TBX15: variants seen among roughly 807,000 people sequenced by gnomAD.
TBX15 encodes the protein T-box transcription factor TBX15.
TBX15 carries 18 observed loss-of-function variants against 53.9 expected under a neutral mutation model. The ratio of observed to expected loss-of-function variants is 0.33; its 90% CI spans 0.23 to 0.49. The LOEUF (loss-of-function observed/expected upper bound fraction) is 0.49. TBX15 is among the 20% of genes least tolerant of loss of function. The pLI is 0.98. For synonymous variants in TBX15, 295 were observed against 278.0 expected (o/e 1.06, Z -0.61); for missense variants, 692 against 749.5 (o/e 0.92, Z 0.90).
At chr1:118,935,914 G>C (rs534147566) in intron 1 of TBX15, among the ~76,000 whole-genome samples, 3 of 152,252 alleles carry the variant, frequency 2.0e-5, no homozygotes, top group East Asian at 3.9e-4. Flanking sequence ...ACTGAAACAA[G>C]AGAAATTGAA....
intron 7 of TBX15, among the ~76,000 whole-genome samples, chr1:118,895,269 A>C (rs1654383606): frequency 6.6e-6 from 1 of 152,194 alleles, no homozygotes; most frequent in Non-Finnish European, 1.5e-5. Flanking sequence ...CTCTTGGGGA[A>C]TGGAGAGCTT....
Position 118,922,838 on chromosome 1 carries a change from C to T in TBX15, c.861+598G>A, listed in dbSNP as rs146875403. On this transcript the variant is annotated intron_variant, in intron 5 of 7. Coordinates refer to ENST00000369429, the MANE Select transcript of TBX15 (RefSeq NM_001330677.2). ...GGCTCTCCTAGTCTCTGTAACTGAT[C>T]TCAATGAGGCAGTAGAATGTTTGTT... is the stretch of plus-strand genomic sequence containing the variant. 2.6e-5 allele frequency among the ~76,000 whole-genome samples: 4 copies of T among 152,256 alleles called. No individual in the cohort carries two copies. In the East Asian group the frequency reaches 7.7e-4, roughly 29 times the overall value.
At chr1:118,984,349 G>A (rs1657748537) in intron 1 of TBX15, among the ~76,000 whole-genome samples, 1 of 152,254 alleles carries the variant, frequency 6.6e-6, no homozygotes. Context: ...CTCCACAGAA[G>A]GTTTACATTA....
intron 1 of TBX15, among the ~76,000 whole-genome samples, chr1:118,973,999 T>G (rs1415339125): frequency 3.3e-5 from 5 of 152,216 alleles, no homozygotes; most frequent in African/African-American, 1.2e-4. Context: ...ATGTTGGTCA[T>G]GCAACTAGTG....
chr1:118,903,334 G>GA (rs1654698814), intron 6 of TBX15, among the ~76,000 whole-genome samples: 1 of 152,062 alleles, frequency 6.6e-6, no homozygotes, highest in Non-Finnish European at 1.5e-5. Context: ...TCAGACTACA[G>GA]AAAAAAACAT....
At chr1:118,938,916 T>C (rs1032840777) in intron 1 of TBX15, among the ~76,000 whole-genome samples, 3 of 152,236 alleles carry the variant, frequency 2.0e-5, no homozygotes, top group African/African-American at 7.2e-5. Flanking sequence ...AAAAGACACA[T>C]GCATTTGTAT....
At position 118,924,744 on chromosome 1, in the gene TBX15, G is replaced by A. The variant is rs760507467; in HGVS notation, c.595C>T (p.His199Tyr). 5.6e-6 allele frequency: 9 copies of A among 1,614,076 alleles called. No homozygotes were observed. The highest frequency in any genetic ancestry group is 7.6e-6 in the Non-Finnish European group (9 of 1,179,990). The stretch of plus-strand genomic sequence containing the variant: ...TCTCCAGAAGCTAGAGAATCAGGGT[G>A]TATATAAACTCTTGGGGGCACAGGG... The part of the protein sequence containing the change: ...DSPVPPRVYI[H>Y]PDSLASGDTW... The change falls in exon 4 of 8, where the codon CAC becomes TAC. Residue 199 changes from histidine (H) to tyrosine (Y), a missense_variant. By Grantham distance (83) the His-to-Tyr change is moderately conservative (BLOSUM62 2). This residue lies in a region of TBX15 where 307 missense variants were observed against 347.5 expected (regional missense o/e 0.88). Coordinates refer to ENST00000369429, the MANE Select transcript of TBX15 (RefSeq NM_001330677.2).
Position 118,924,782 on chromosome 1 carries a change from C to G in TBX15, c.557G>C (p.Gly186Ala). 6.2e-7 allele frequency: 1 copy of G among 1,613,976 alleles called. No homozygotes were observed. The highest frequency in any genetic ancestry group is 8.5e-7 in the Non-Finnish European group (1 of 1,179,978). ...VYHSSKWMVA[G>A]NADSPVPPRV... ...TGGGGGCACAGGGGAATCAGCATTG[C>G]CAGCCACCATCCACTTGGAGCTATG... Residue 186 changes from glycine (G) to alanine (A), a missense_variant, in exon 4 of 8, where the codon GGC becomes GCC. By Grantham distance (60) the Gly-to-Ala change is moderately conservative. Around this residue, in one of 3 missense-constraint regions of TBX15, gnomAD observed 307 missense variants for 347.5 expected, o/e 0.88. Transcript: ENST00000369429.
chr1:118,928,159 A>C (rs1214101471), intron 2 of TBX15, among the ~76,000 whole-genome samples: 1 of 152,226 alleles, frequency 6.6e-6, no homozygotes, highest in Non-Finnish European at 1.5e-5. Context: ...CCAAAAGGCT[A>C]ATATCCCCTG....
chr1:118,987,527 C>A (rs1259308658), intron 1 of TBX15, 64 bp downstream of exon 1: 2 of 1,500,110 alleles, frequency 1.3e-6, no homozygotes, highest in East Asian at 2.5e-5. Flanking sequence ...CACCCGCGAC[C>A]GGCGACTGGC....
chr1:118,914,574 G>A (rs1655128147), intron 5 of TBX15, among the ~76,000 whole-genome samples: 2 of 152,304 alleles, frequency 1.3e-5, no homozygotes, highest in Middle Eastern at 6.8e-3. Flanking sequence ...AACAAATGAT[G>A]TGTAAGTGAG....
chr1:118,979,786 C>T (rs1451219288), intron 1 of TBX15, among the ~76,000 whole-genome samples: 1 of 152,198 alleles, frequency 6.6e-6, no homozygotes, highest in Non-Finnish European at 1.5e-5. Flanking sequence ...TCCAGGGTCC[C>T]GGGTTTCCAA....
At chr1:118,965,228 A>T (rs1657000982) in intron 1 of TBX15, among the ~76,000 whole-genome samples, 1 of 152,230 alleles carries the variant, frequency 6.6e-6, no homozygotes, top group South Asian at 2.1e-4. Flanking sequence ...GGAACAGGGA[A>T]GCCTGAGATA....
At chr1:118,932,114 C>A (rs978540683) in intron 1 of TBX15, among the ~76,000 whole-genome samples, 1 of 152,084 alleles carries the variant, frequency 6.6e-6, no homozygotes, top group Admixed American at 6.6e-5. Context: ...CCACAACAGG[C>A]AATATAAATA....
Position 118,884,405 on chromosome 1 carries a change from CCA to C in TBX15, c.*325_*326del, listed in dbSNP as rs1653845141. Reference sequence around the variant, plus strand: ...GTGTATGTGTAACTTTTCATGGCTGCCACACACTAGCATCTCCCTTAACATTA... The same window carrying C: ...GTGTATGTGTAACTTTTCATGGCTGCCACACTAGCATCTCCCTTAACATTA... On this transcript the variant is annotated 3_prime_UTR_variant, in exon 8 of 8. Coordinates refer to ENST00000369429, the MANE Select transcript of TBX15 (RefSeq NM_001330677.2). 2 of 377,866 alleles carry C rather than the reference CCA, an allele frequency of 5.3e-6. No homozygotes were observed. The allele number at this position is 377,866 out of a possible 1,614,324, so 23.4% of individuals were successfully genotyped here. A position where few individuals can be genotyped will look rare whatever the true frequency, so the allele number is the denominator to read the frequency against.
chr1:118,923,109 T>C (rs1045588097), intron 5 of TBX15, among the ~76,000 whole-genome samples: 1 of 151,756 alleles, frequency 6.6e-6, no homozygotes, highest in Non-Finnish European at 1.5e-5. Flanking sequence ...ATCTTAATTA[T>C]TACAGTTTTC....
upstream of TBX15, among the ~76,000 whole-genome samples, chr1:118,989,104 T>C (rs534791712): frequency 1.3e-5 from 2 of 152,326 alleles, no homozygotes; most frequent in Non-Finnish European, 2.9e-5. Context: ...GCGCTTCGCC[T>C]GTTCCGGGCT....
intron 6 of TBX15, among the ~76,000 whole-genome samples, chr1:118,904,776 A>G (rs541141746): frequency 3.9e-5 from 6 of 152,208 alleles, no homozygotes; most frequent in African/African-American, 7.2e-5. Flanking sequence ...AAATTGTCTA[A>G]CTTTAATTCA....
intron 6 of TBX15, among the ~76,000 whole-genome samples, chr1:118,913,199 G>A (rs1655076821): frequency 6.6e-6 from 1 of 151,414 alleles, no homozygotes; most frequent in Non-Finnish European, 1.5e-5. Flanking sequence ...CTGGTAATCT[G>A]TCATTTGAAT....
Sources: gnomAD v4.1 joint callset for allele counts (sites outside exome capture counted in the v4.1 genomes callset) on GRCh38, gnomAD v4.1.1 for gene constraint, gnomAD v4.1.1 regional missense constraint, MANE v1.5 for transcripts, NCBI Gene and HGNC (gene_info 2026-07-23, HGNC 2026-07-21) for gene names.